LUZP2: variants seen among roughly 807,000 people sequenced by gnomAD.
LUZP2 encodes the protein leucine zipper protein 2.
In LUZP2, 52 loss-of-function variants were observed where a neutral mutation model predicts 51.6. The ratio of observed to expected loss-of-function variants is 1.01; its 90% confidence interval spans 0.81 to 1.27. The LOEUF is 1.27. Ranked by LOEUF, LUZP2 falls within the 50% of genes most tolerant of loss-of-function variation. The probability of loss-of-function intolerance (pLI) is 0.00; values close to 1 mark genes in which losing one functional copy is unlikely to be tolerated. For synonymous variants in LUZP2, 154 were observed against 137.3 expected (o/e 1.12, Z -0.85); for missense variants, 436 against 395.4 (o/e 1.10, Z -0.87).
At position 24,817,195 on chromosome 11, in the gene LUZP2, G is replaced by A. The variant is rs182262748; in HGVS notation, c.396+53887G>A. Among the ~76,000 whole-genome samples, 24 of 143,462 alleles carry A rather than the reference G, an allele frequency of 1.7e-4. No homozygotes were observed. In the East Asian group the frequency reaches 3.6e-3, roughly 21 times the overall value. The allele number at this position is 143,462 out of a possible 152,430, so 94.1% of individuals were successfully genotyped here. Reference sequence around the variant, plus strand: ...ATCAATTGCACCTGCTTTATTATGAGCAATAAATGAATGCTATCATTAATA... The same window carrying A: ...ATCAATTGCACCTGCTTTATTATGAACAATAAATGAATGCTATCATTAATA... On this transcript the variant is annotated intron_variant, in intron 5 of 11. Transcript: ENST00000336930.
rs1335567141 is a variant in LUZP2 at position 24,717,493 on chromosome 11, C to T, written c.63-11676C>T. ...CGCCATCTCGGCTCACTGCAAGCTC[C>T]GACCCCCGAGTTCACGCCATTCTCC... On this transcript the variant is annotated intron_variant, in intron 1 of 11. Coordinates refer to ENST00000336930, the MANE Select transcript of LUZP2 (RefSeq NM_001009909.4). Among the ~76,000 whole-genome samples the T allele has an allele frequency of 2.0e-5, 3 of 151,300 alleles. No individual in the cohort carries two copies. In the East Asian group the frequency reaches 5.9e-4, roughly 30 times the overall value.
At chr11:24,712,917 A>G (rs1373240181) in intron 1 of LUZP2, among the ~76,000 whole-genome samples, 1 of 152,172 alleles carries the variant, frequency 6.6e-6, no homozygotes, top group African/African-American at 2.4e-5. Context: ...GGGAAGAGTT[A>G]TATATTTTTA....
At chr11:24,600,073 G>T (rs1371301688) in intron 1 of LUZP2, among the ~76,000 whole-genome samples, 1 of 151,798 alleles carries the variant, frequency 6.6e-6, no homozygotes, top group African/African-American at 2.4e-5. Flanking sequence ...TTGAAAATAG[G>T]GTCTTCATGT....
chr11:24,858,098 G>C (rs139625542), intron 5 of LUZP2, among the ~76,000 whole-genome samples: 16 of 152,108 alleles, frequency 1.1e-4, no homozygotes, highest in African/African-American at 2.2e-4. Context: ...TTGTCCCCAG[G>C]GGGGAAGGAA....
chr11:24,981,541 T>TG (rs1856029715), intron 8 of LUZP2, among the ~76,000 whole-genome samples: 1 of 151,802 alleles, frequency 6.6e-6, no homozygotes, highest in Admixed American at 6.6e-5. Flanking sequence ...TGACTTTGAA[T>TG]GCCTAACCTG....
At chr11:24,686,843 G>A (rs754134581) in intron 1 of LUZP2, among the ~76,000 whole-genome samples, 2 of 151,960 alleles carry the variant, frequency 1.3e-5, no homozygotes, top group South Asian at 2.1e-4. Flanking sequence ...TTATGTTAAA[G>A]GTTTGACCCT....
chr11:24,765,521 G>T (rs1860151502), intron 5 of LUZP2, among the ~76,000 whole-genome samples: 1 of 151,868 alleles, frequency 6.6e-6, no homozygotes, highest in Admixed American at 6.6e-5. Context: ...CAACCGTATG[G>T]GTTTTGTTTT....
intron 7 of LUZP2, among the ~76,000 whole-genome samples, chr11:24,954,671 T>C (rs1183107785): frequency 6.6e-6 from 1 of 152,086 alleles, no homozygotes; most frequent in Non-Finnish European, 1.5e-5. Context: ...GCTTGAAACC[T>C]GCCAATACAG....
intron 7 of LUZP2, among the ~76,000 whole-genome samples, chr11:24,922,054 A>ATT (rs141901695): frequency 1.3e-5 from 2 of 150,242 alleles, no homozygotes; most frequent in African/African-American, 4.9e-5. Context: ...GATATTAATT[A>ATT]TTTTTTTTTT....
intron 1 of LUZP2, among the ~76,000 whole-genome samples, chr11:24,629,758 G>A (rs1437399801): frequency 6.6e-6 from 1 of 151,572 alleles, no homozygotes; most frequent in Non-Finnish European, 1.5e-5. Context: ...TTAGTTCCTT[G>A]AGCAATCTTC....
intron 1 of LUZP2, among the ~76,000 whole-genome samples, chr11:24,575,405 A>G (rs1395994996): frequency 6.6e-6 from 1 of 152,160 alleles, no homozygotes; most frequent in African/African-American, 2.4e-5. Context: ...AGGTGAAATT[A>G]TCTGGCATTT....
rs1565110946 is a variant in LUZP2, at chr11:24,741,936, TAAA to T, written c.333+3635_333+3637del. Among the ~76,000 whole-genome samples the T allele has an allele frequency of 2.0e-3, 60 of 29,986 alleles. No individual in the cohort carries two copies. In the East Asian group the frequency reaches 0.16, roughly 81 times the overall value. The allele number at this position is 29,986 out of a possible 152,430, so 19.7% of individuals were successfully genotyped here. A position where few individuals can be genotyped will look rare whatever the true frequency, so the allele number is the denominator to read the frequency against. ...AATATATACATTTATATATTATATA[TAAA>T]TATATACATTTATATATTATATATA... On this transcript the variant is annotated intron_variant, in intron 4 of 11. Coordinates refer to ENST00000336930, the MANE Select transcript of LUZP2 (RefSeq NM_001009909.4).
At chr11:24,950,546 A>T (rs989584710) in intron 7 of LUZP2, among the ~76,000 whole-genome samples, 1 of 151,514 alleles carries the variant, frequency 6.6e-6, no homozygotes, top group African/African-American at 2.4e-5. Context: ...CTCTAACCGT[A>T]AGGATAAGCT....
At chr11:24,996,636 T>C (rs1292735907) in intron 9 of LUZP2, among the ~76,000 whole-genome samples, 1 of 140,110 alleles carries the variant, frequency 7.1e-6, no homozygotes, top group Non-Finnish European at 1.6e-5. Flanking sequence ...TATTTTATTA[T>C]ACTTTAAGTT....
chr11:25,031,011 A>AT (rs1188857942), intron 9 of LUZP2, among the ~76,000 whole-genome samples: 2 of 3,250 alleles, frequency 6.2e-4, no homozygotes, highest in African/African-American at 3.6e-3. Flanking sequence ...ATATATATAT[A>AT]TATATTTTTT....
At chr11:24,498,722 C>T (rs1377977738) in intron 1 of LUZP2, among the ~76,000 whole-genome samples, 2 of 152,210 alleles carry the variant, frequency 1.3e-5, no homozygotes, top group Non-Finnish European at 2.9e-5. Flanking sequence ...ACAAATTATG[C>T]ATCACAGTTA....
chr11:24,889,242 T>C (rs962146769), intron 5 of LUZP2, among the ~76,000 whole-genome samples: 3 of 152,194 alleles, frequency 2.0e-5, no homozygotes, highest in African/African-American at 7.2e-5. Context: ...TATGTGATTA[T>C]GTAACATGTG....
intron 5 of LUZP2, among the ~76,000 whole-genome samples, chr11:24,844,700 G>A (rs1851144519): frequency 6.6e-6 from 1 of 152,156 alleles, no homozygotes; most frequent in African/African-American, 2.4e-5. Context: ...TCCCTGTGCT[G>A]TGTGCAGCCA....
intron 1 of LUZP2, among the ~76,000 whole-genome samples, chr11:24,689,865 T>G (rs191691594): frequency 1.3e-5 from 2 of 152,268 alleles, no homozygotes; most frequent in Admixed American, 1.3e-4. Flanking sequence ...TCTCTCTGTA[T>G]CCTATGTAGA....
Sources: allele counts gnomAD v4.1 joint callset (sites outside exome capture counted in the v4.1 genomes callset), GRCh38; gene constraint gnomAD v4.1.1; transcripts MANE v1.5; gene names NCBI Gene and HGNC (gene_info 2026-07-23, HGNC 2026-07-21).